The following OGDHL variants were observed in gnomAD, a reference collection of about 807,000 sequenced individuals.
The protein encoded by OGDHL is oxoglutarate dehydrogenase L.
In OGDHL, 79 loss-of-function variants were observed where a neutral mutation model predicts 109.6. That is an observed-to-expected ratio of 0.72 (90% CI 0.60 to 0.87). The LOEUF (loss-of-function observed/expected upper bound fraction) is 0.87, where lower values mean the gene tolerates loss of function less well. OGDHL is among the 40% of genes least tolerant of loss of function. The pLI, the probability that OGDHL is intolerant of heterozygous loss-of-function variation, is 0.00. For synonymous variants in OGDHL, 528 were observed against 537.2 expected (o/e 0.98, Z 0.24); for missense variants, 1,275 against 1,362.2 (o/e 0.94, Z 1.01).
In OGDHL at chr10:49,743,455, T is replaced by C. The variant is rs530400089; in HGVS notation, c.1862-477A>G. 1.6e-3 allele frequency: 285 copies of C among 173,618 alleles called. 3 individuals are homozygous for C. Among genetic ancestry groups the C allele is most frequent in the Non-Finnish European group, 2.6e-4 (21 of 81,212 alleles). The allele number at this position is 173,618 out of a possible 1,614,324, so 10.8% of individuals were successfully genotyped here. Reference sequence around the variant, plus strand: ...TCCCCCAGGTGGGTCAGAGGGTGTGTAGGCACCCCAATACAGCCACAGGGG... The same window carrying C: ...TCCCCCAGGTGGGTCAGAGGGTGTGCAGGCACCCCAATACAGCCACAGGGG... On this transcript the variant is annotated intron_variant, in intron 14 of 22. Coordinates refer to ENST00000374103, the MANE Select transcript of OGDHL (RefSeq NM_018245.3).
In OGDHL at chr10:49,751,917, C is replaced by T. The variant is rs2133069193; in HGVS notation, c.659G>A (p.Trp220Ter). Residue 220 changes from tryptophan (W) to a stop codon, truncating the protein, a stop_gained, in exon 6 of 23, where the codon TGG (tryptophan) becomes TAG (stop). Transcript: ENST00000374103. LOFTEE classifies it high-confidence loss of function. ...AGGGGTCTCAAACTTCTGCCGGATC[C>T]ACTGGCACTGCTCCACATCGTTGAT... is the stretch of plus-strand genomic sequence containing the variant. The part of the protein sequence containing the change: ...MFINDVEQCQ[W>*]IRQKFETPGV... 1 of 1,614,084 alleles carries T rather than the reference C, an allele frequency of 6.2e-7. No individual in the cohort carries two copies. The highest frequency in any genetic ancestry group is 2.2e-5 in the East Asian group (1 of 44,900).
intron 22 of OGDHL, 44 bp from the exon 23 acceptor site, chr10:49,735,395 G>GC (rs770386139): frequency 2.9e-4 from 455 of 1,596,248 alleles, no homozygotes; most frequent in Non-Finnish European, 3.7e-4. Context: ...GGGCCTAGCC[G>GC]CCCCCCAACC....
Position 49,752,837 on chromosome 10 carries a change from C to G in OGDHL, c.376-97G>C. 4 of 850,220 alleles carry G rather than the reference C, an allele frequency of 4.7e-6. No individual in the cohort carries two copies. The South Asian group carries it at 6.6e-5, about 14-fold the overall frequency. 52.7% of individuals were successfully genotyped at this position (850,220 alleles called of 1,614,324 possible). A position where few individuals can be genotyped will look rare whatever the true frequency, so the allele number is the denominator to read the frequency against. On this transcript the variant is annotated intron_variant, in intron 3 of 22. Coordinates refer to ENST00000374103, the MANE Select transcript of OGDHL (RefSeq NM_018245.3). Reference sequence around the variant, plus strand: ...GGCCCCAGCCCCTCTCTTCCCATTCCCGAATGTTAAGCTTCCCCATGTCTC... The same window carrying G: ...GGCCCCAGCCCCTCTCTTCCCATTCGCGAATGTTAAGCTTCCCCATGTCTC...
chr10:49,740,931 GCCTCCGTCACTGTCCCAGGAAA>G, intron 15 of OGDHL, 94 bp from the exon 16 acceptor site: 1 of 1,517,220 alleles, frequency 6.6e-7, no homozygotes, highest in Non-Finnish European at 9.0e-7. Flanking sequence ...AGGCAGGCAA[GCCTCCGTCACTGTCCCAGGAAA>G]CCTGCAGGGT....
At chr10:49,737,906 G>A in intron 19 of OGDHL, 41 bp downstream of exon 19, 1 of 1,614,146 alleles carries the variant, frequency 6.2e-7, no homozygotes. Flanking sequence ...TGCCTGGCCA[G>A]GCCCCCTGCC....
At chr10:49,746,030 A>G in intron 10 of OGDHL, 53 bp from the exon 11 acceptor site, 1 of 1,583,636 alleles carries the variant, frequency 6.3e-7, no homozygotes, top group Non-Finnish European at 8.6e-7. Context: ...AGAGTGAGAT[A>G]GAAGGTGCCA....
At chr10:49,746,022 A>C in intron 10 of OGDHL, 45 bp from the exon 11 acceptor site, 1 of 1,598,438 alleles carries the variant, frequency 6.3e-7, no homozygotes, top group Non-Finnish European at 8.5e-7. Context: ...ATTTACTTAG[A>C]GTGAGATAGA....
intron 20 of OGDHL, among the ~76,000 whole-genome samples, chr10:49,737,335 T>C (rs917719442): frequency 1.3e-5 from 2 of 152,266 alleles, no homozygotes; most frequent in South Asian, 4.1e-4. Flanking sequence ...TGTCCTTCCC[T>C]GGACATAGTC....
chr10:49,748,689 C>T (rs1448398381), intron 8 of OGDHL, among the ~76,000 whole-genome samples: 1 of 148,346 alleles, frequency 6.7e-6, no homozygotes, highest in African/African-American at 2.5e-5. Context: ...GGTGCTAGAA[C>T]AAAAGGAACA....
rs768018300 is a variant in OGDHL, at chr10:49,752,148, G to A, written c.579C>T (p.Ile193=). 2.5e-5 allele frequency: 40 copies of A among 1,614,064 alleles called. No individual in the cohort carries two copies. In the South Asian group the frequency reaches 4.3e-4, roughly 17 times the overall value. The change falls in exon 5 of 23, where the codon ATC becomes ATT. Residue 193 remains isoleucine, a synonymous_variant. Transcript: ENST00000374103. ...GSENTLSLRE[I]IRRLENTYCQ... Reference sequence around the variant, plus strand: ...CTGTGCTCACCTCCAGGCGCCGAATGATCTCCCGCAGAGAGAGGGTGTTTT... The same window carrying A: ...CTGTGCTCACCTCCAGGCGCCGAATAATCTCCCGCAGAGAGAGGGTGTTTT...
chr10:49,748,841 G>C (rs186972024), intron 8 of OGDHL, among the ~76,000 whole-genome samples: 1 of 151,890 alleles, frequency 6.6e-6, no homozygotes, highest in East Asian at 1.9e-4. Flanking sequence ...GGACACAGAG[G>C]AGGGAGTGAC....
At position 49,749,773 on chromosome 10, in the gene OGDHL, C is replaced by G. The variant is rs1289961310; in HGVS notation, c.940G>C (p.Glu314Gln). ...VLANVIRKDL[E>Q]QIFCQFDPKL... ...GGGTCAAACTGGCAGAAGATCTGCT[C>G]CAGGTCCTTGCGGATCACGTTGGCC... The change falls in exon 8 of 23, where the codon GAG (glutamate) becomes CAG (glutamine). Residue 314 changes from glutamate to glutamine, a missense_variant. Transcript: ENST00000374103. The G allele has an allele frequency of 6.2e-7, 1 of 1,601,374 alleles. No individual in the cohort carries two copies. Among genetic ancestry groups the G allele is most frequent in the Non-Finnish European group, 8.5e-7 (1 of 1,177,164 alleles).
intron 4 of OGDHL, 105 bp downstream of exon 4, chr10:49,752,533 C>T (rs1258279930): frequency 2.1e-5 from 21 of 995,144 alleles, no homozygotes; most frequent in South Asian, 1.2e-4. Context: ...GGCTGCTCCC[C>T]GAGCTCCATG....
chr10:49,752,156 G>A lies in OGDHL; in HGVS notation c.571C>T (p.Arg191Trp), dbSNP rs760764163. ...ACCTCCAGGCGCCGAATGATCTCCC[G>A]CAGAGAGAGGGTGTTTTCAGAGCCC... ...IGGSENTLSL[R>W]EIIRRLENTY... The change falls in exon 5 of 23, where the codon CGG becomes TGG. Residue 191 changes from arginine (R) to tryptophan (W), a missense_variant. Coordinates refer to ENST00000374103, the MANE Select transcript of OGDHL (RefSeq NM_018245.3). 16 of 1,614,026 alleles carry A rather than the reference G, an allele frequency of 9.9e-6. No homozygotes were observed. Among genetic ancestry groups the A allele is most frequent in the East Asian group, 4.5e-5 (2 of 44,856 alleles).
chr10:49,738,008 G>A lies in OGDHL; in HGVS notation c.2456C>T (p.Ser819Phe), dbSNP rs757577439. The A allele has an allele frequency of 1.2e-6, 2 of 1,614,186 alleles. No individual in the cohort carries two copies. The highest frequency in any genetic ancestry group is 2.2e-5 in the East Asian group (1 of 44,876). Reference sequence around the variant, plus strand: ...CACGTGGAAGTAGTTGGCCGGTGTGGAGCAGTTGACCACGATCCAGTTGCA... The same window carrying A: ...CACGTGGAAGTAGTTGGCCGGTGTGAAGCAGTTGACCACGATCCAGTTGCA... The part of the protein sequence containing the change: ...YDCNWIVVNC[S>F]TPANYFHVLR... The change falls in exon 19 of 23, where the codon TCC becomes TTC. Residue 819 changes from serine (S) to phenylalanine (F), a missense_variant. By Grantham distance (155) the Ser-to-Phe change is radical. Coordinates refer to ENST00000374103, the MANE Select transcript of OGDHL (RefSeq NM_018245.3).
chr10:49,757,797 T>G (rs1843005369), intron 2 of OGDHL, among the ~76,000 whole-genome samples: 1 of 152,130 alleles, frequency 6.6e-6, no homozygotes, highest in Non-Finnish European at 1.5e-5. Flanking sequence ...GGGAGACAAA[T>G]CCAGAGTTAC....
intron 7 of OGDHL, among the ~76,000 whole-genome samples, chr10:49,750,062 C>T (rs1842479078): frequency 1.3e-5 from 2 of 152,212 alleles, no homozygotes; most frequent in African/African-American, 2.4e-5. Context: ...AGACACTGGG[C>T]ATTCCCAGGC....
chr10:49,742,429 A>ACACACAC (rs1841820946), intron 15 of OGDHL, among the ~76,000 whole-genome samples: 1 of 146,250 alleles, frequency 6.8e-6, no homozygotes, highest in Non-Finnish European at 1.5e-5. Context: ...CATACACACC[A>ACACACAC]CACATACAAC....
Position 49,738,280 on chromosome 10 carries a change from A to C in OGDHL, c.2320-18T>G, listed in dbSNP as rs751454611. On this transcript the variant is annotated intron_variant, in intron 17 of 22. Transcript: ENST00000374103. ...TCTGGGCCCTGAAAGCAAACGCCAG[A>C]CAGCCAAGGCTGGACCCCACCATGG... 4 of 1,612,104 alleles carry C rather than the reference A, an allele frequency of 2.5e-6. No individual in the cohort carries two copies. Among genetic ancestry groups the C allele is most frequent in the Non-Finnish European group, 3.4e-6 (4 of 1,179,950 alleles).
Sources: gnomAD v4.1 joint callset for allele counts (sites outside exome capture counted in the v4.1 genomes callset) on GRCh38, gnomAD v4.1.1 for gene constraint, MANE v1.5 for transcripts, NCBI Gene and HGNC (gene_info 2026-07-23, HGNC 2026-07-21) for gene names.